TTC3: variants seen among roughly 807,000 people sequenced by gnomAD.
The protein encoded by TTC3 is E3 ubiquitin-protein ligase TTC3.
TTC3 carries 180 observed loss-of-function variants against 249.6 expected under a neutral mutation model. The ratio of observed to expected loss-of-function variants is 0.72; its 90% confidence interval spans 0.64 to 0.82. The LOEUF is 0.82. Among genes scored for constraint, TTC3 ranks in the 40% least tolerant of loss-of-function variants. The pLI, the probability that TTC3 is intolerant of heterozygous loss-of-function variation, is 0.00. For missense variants in TTC3, 2,061 were observed against 2,398.4 expected, an observed-to-expected ratio of 0.86 and a Z score of 2.94; for synonymous variants, 717 against 805.0, an observed-to-expected ratio of 0.89 and a Z score of 1.85.
At chr21:37,076,606 T>C (rs906699724) in intron 1 of TTC3, among the ~76,000 whole-genome samples, 3 of 152,038 alleles carry the variant, frequency 2.0e-5, no homozygotes, top group East Asian at 1.9e-4. Context: ...CATTGCACTT[T>C]ACATAAGACA....
rs201642700 is a variant in TTC3 at position 37,197,563 on chromosome 21, C to G, written c.5580-7C>G. 4.1e-4 allele frequency: 654 copies of G among 1,611,672 alleles called. No homozygotes were observed. The highest frequency in any genetic ancestry group is 5.3e-4 in the Non-Finnish European group (631 of 1,179,840). On this transcript the variant is annotated splice_polypyrimidine_tract_variant and splice_region_variant and intron_variant, in intron 42 of 45. Coordinates refer to ENST00000355666, the Ensembl canonical transcript of TTC3. The stretch of plus-strand genomic sequence containing the variant: ...TGTTGTCATTCATCACTCACTCTCC[C>G]TTTCAGCACTGAGCTTGCTGGTTTT...
intron 20 of TTC3, among the ~76,000 whole-genome samples, chr21:37,141,415 C>CCT (rs1555887999): frequency 6.6e-6 from 1 of 151,578 alleles, no homozygotes; most frequent in South Asian, 2.1e-4. Context: ...TGGGGAATCC[C>CCT]CCCCCCAGCC....
intron 20 of TTC3, 107 bp from the exon 21 acceptor site, chr21:37,144,418 T>G (rs1014382474): frequency 3.6e-5 from 47 of 1,296,262 alleles, no homozygotes; most frequent in Non-Finnish European, 5.0e-5. Flanking sequence ...GTTCAGTGAT[T>G]CATCAAATGT....
At chr21:37,155,623 T>C (rs543550667) in intron 27 of TTC3, among the ~76,000 whole-genome samples, 1 of 152,360 alleles carries the variant, frequency 6.6e-6, no homozygotes, top group Admixed American at 6.5e-5. Flanking sequence ...ATTTGTTGAC[T>C]AAGGCCCTCG....
chr21:37,196,200 A>G (rs1415577684), intron 42 of TTC3, among the ~76,000 whole-genome samples, 164 bp downstream of exon 42: 1 of 151,172 alleles, frequency 6.6e-6, no homozygotes, highest in Non-Finnish European at 1.5e-5. Flanking sequence ...AAATATAGAG[A>G]TAAGTATTTT....
chr21:37,109,967 C>G (rs923279762), intron 11 of TTC3, among the ~76,000 whole-genome samples: 10 of 152,188 alleles, frequency 6.6e-5, no homozygotes, highest in African/African-American at 1.9e-4. Context: ...GAGTGGACCT[C>G]CAGTAAACTC....
At chr21:37,189,874 G>A (rs1210411694) in intron 39 of TTC3, among the ~76,000 whole-genome samples, 3 of 118,590 alleles carry the variant, frequency 2.5e-5, no homozygotes, top group African/African-American at 6.6e-5. Flanking sequence ...CACGCCGGCC[G>A]GCCTTGTTTG....
At chr21:37,080,448 A>G (rs1222929983) in intron 1 of TTC3, among the ~76,000 whole-genome samples, 1 of 151,666 alleles carries the variant, frequency 6.6e-6, no homozygotes, top group Non-Finnish European at 1.5e-5. Context: ...TGTGAAGAGT[A>G]TATATTCTGT....
chr21:37,090,540 A>G, intron 6 of TTC3: 2 of 933,684 alleles, frequency 2.1e-6, no homozygotes, highest in Non-Finnish European at 2.5e-6. Context: ...TTTCTCTTTT[A>G]GATTATTTAC....
At chr21:37,130,459 A>G (rs746390922) in intron 16 of TTC3, among the ~76,000 whole-genome samples, 1 of 152,086 alleles carries the variant, frequency 6.6e-6, no homozygotes, top group African/African-American at 2.4e-5. Context: ...TTATTAGGTA[A>G]TATCTACCAT....
intron 42 of TTC3, 65 bp from the exon 43 acceptor site, chr21:37,197,505 G>C: frequency 6.3e-7 from 1 of 1,589,938 alleles, no homozygotes; most frequent in Non-Finnish European, 8.6e-7. Flanking sequence ...ATTAATATTG[G>C]CATGTAATAT....
Position 37,123,048 on chromosome 21 carries a change from G to T in TTC3, c.1109+20G>T. 1 of 1,608,788 alleles carries T rather than the reference G, an allele frequency of 6.2e-7. No homozygotes were observed. The highest frequency in any genetic ancestry group is 1.3e-5 in the African/African-American group (1 of 74,942). On this transcript the variant is annotated intron_variant, in intron 13 of 45. Coordinates refer to ENST00000355666, the Ensembl canonical transcript of TTC3. ...AAACAGGTAAGTTAATAGCAGGTCA[G>T]TAGCTGCTACTACTAGGAATGGCTT... is the stretch of plus-strand genomic sequence containing the variant.
chr21:37,094,236 G>A, intron 8 of TTC3, 146 bp downstream of exon 8: 1 of 498,366 alleles, frequency 2.0e-6, no homozygotes, highest in Non-Finnish European at 3.5e-6. Context: ...CTTGATCAGA[G>A]TTCTCTAATG....
At chr21:37,079,517 G>GTTTTTTTTTT (rs60361476) in intron 1 of TTC3, among the ~76,000 whole-genome samples, 9 of 91,226 alleles carry the variant, frequency 9.9e-5, no homozygotes, top group African/African-American at 3.8e-4. Context: ...TTATGGTATG[G>GTTTTTTTTTT]TTTTTTTTTT....
intron 20 of TTC3, among the ~76,000 whole-genome samples, 185 bp from the exon 21 acceptor site, chr21:37,144,340 C>A (rs1333544560): frequency 6.6e-6 from 1 of 152,008 alleles, no homozygotes; most frequent in East Asian, 1.9e-4. Flanking sequence ...ATGTATATTA[C>A]TTTTATAGCA....
At position 37,093,993 on chromosome 21, in the gene TTC3, A is replaced by G. The variant is rs1003207553; in HGVS notation, c.602-12A>G. The G allele has an allele frequency of 4.5e-6, 7 of 1,556,292 alleles. No individual in the cohort carries two copies. The highest frequency in any genetic ancestry group is 6.2e-6 in the Non-Finnish European group (7 of 1,135,528). Reference sequence around the variant, plus strand: ...ATGTTCTCTCTTGCTCTCTCCTAAAAATAAAATTTAGACAAGTACCACATA... The same window carrying G: ...ATGTTCTCTCTTGCTCTCTCCTAAAGATAAAATTTAGACAAGTACCACATA... On this transcript the variant is annotated splice_polypyrimidine_tract_variant and intron_variant, in intron 7 of 45. Coordinates refer to ENST00000355666, the Ensembl canonical transcript of TTC3.
chr21:37,198,048 G>GT lies in TTC3; in HGVS notation c.5850+29dup, dbSNP rs1344402501. 7.2e-6 allele frequency: 11 copies of GT among 1,537,580 alleles called. No individual in the cohort carries two copies. In the Admixed American group the frequency reaches 2.1e-4, roughly 30 times the overall value. ...ATTGTATGTATAACTGTATAGTTTT[G>GT]TTTTTTAATGAAAAACAAGAAGCAA... On this transcript the variant is annotated intron_variant, in intron 44 of 45. Transcript: ENST00000355666.
At position 37,089,339 on chromosome 21, in the gene TTC3, T is replaced by G. The variant is rs370045079; in HGVS notation, c.426+453T>G. Among the ~76,000 whole-genome samples, 27 of 152,276 alleles carry G rather than the reference T, an allele frequency of 1.8e-4. 1 individual carries two copies. The highest frequency in any genetic ancestry group is 1.7e-3 in the East Asian group (9 of 5,184). On this transcript the variant is annotated intron_variant, in intron 5 of 45. Coordinates refer to ENST00000355666, the Ensembl canonical transcript of TTC3. Reference sequence around the variant, plus strand: ...GAGAGTTTTTGTGGTTTTTAATTTTTTTTTGAAAGCTATTGGATAGCTTTT... The same window carrying G: ...GAGAGTTTTTGTGGTTTTTAATTTTGTTTTGAAAGCTATTGGATAGCTTTT...
chr21:37,179,683 G>T (rs13046581), intron 35 of TTC3, among the ~76,000 whole-genome samples: 80,410 of 151,404 alleles, frequency 0.53, 21,945 homozygotes, highest in African/African-American at 0.64. Flanking sequence ...CATTTTGTTT[G>T]TTTTTTGAAT....
Sources: gnomAD v4.1 joint callset for allele counts (sites outside exome capture counted in the v4.1 genomes callset) on GRCh38, gnomAD v4.1.1 for gene constraint, MANE v1.5 for transcripts, NCBI Gene and HGNC (gene_info 2026-07-23, HGNC 2026-07-21) for gene names.